Variants in MAGI2 observed in about 807,000 individuals in gnomAD.
MAGI2 encodes membrane associated guanylate kinase, WW and PDZ domain containing 2.
Under a neutral mutation model 133.3 loss-of-function variants are expected in MAGI2, and 35 were observed. The observed-to-expected ratio is 0.26, with a 90% confidence interval of 0.20 to 0.35. The LOEUF is 0.35. Among genes scored for constraint, MAGI2 ranks in the 10% least tolerant of loss-of-function variants. The pLI is 1.00. For synonymous variants in MAGI2, 729 were observed against 710.6 expected (o/e 1.03, Z -0.41); for missense variants, 1,636 against 1,863.4 (o/e 0.88, Z 2.25).
Position 78,372,572 on chromosome 7 carries a change from A to C in MAGI2, c.1046-3359T>G, listed in dbSNP as rs577275409. Among the ~76,000 whole-genome samples the C allele has an allele frequency of 6.6e-5, 10 of 152,226 alleles. No homozygotes were observed. In the South Asian group the frequency reaches 2.1e-3, roughly 32 times the overall value. On this transcript the variant is annotated intron_variant, in intron 6 of 21. Transcript: ENST00000354212. ...CATGATGCAACAGGAAAAAATAAAC[A>C]CTTGAGATCAGCAAGGTTAATGTTG...
At chr7:78,800,503 A>G (rs1167576664) in intron 2 of MAGI2, among the ~76,000 whole-genome samples, 2 of 152,174 alleles carry the variant, frequency 1.3e-5, no homozygotes, top group Non-Finnish European at 2.9e-5. Context: ...CTAAGAAGAA[A>G]AGGAGAACAT....
At chr7:78,970,007 C>T (rs1261528598) in intron 2 of MAGI2, among the ~76,000 whole-genome samples, 14 of 152,050 alleles carry the variant, frequency 9.2e-5, no homozygotes, top group Admixed American at 9.2e-4. Flanking sequence ...CACCACAGCT[C>T]AGACCCATGC....
At chr7:78,099,440 G>A (rs6951935) in intron 20 of MAGI2, among the ~76,000 whole-genome samples, 53,988 of 152,028 alleles carry the variant, frequency 0.36, 11,124 homozygotes, top group African/African-American at 0.58. Flanking sequence ...AGTTTTGAGT[G>A]TGCATTGAAT....
At chr7:78,776,675 T>C (rs1193324974) in intron 2 of MAGI2, among the ~76,000 whole-genome samples, 1 of 152,236 alleles carries the variant, frequency 6.6e-6, no homozygotes, top group African/African-American at 2.4e-5. Context: ...GTTAAGTGCA[T>C]GTTTAGTGTA....
chr7:78,112,788 T>A (rs866960069), intron 20 of MAGI2, among the ~76,000 whole-genome samples: 44 of 152,222 alleles, frequency 2.9e-4, no homozygotes, highest in African/African-American at 1.0e-3. Context: ...GCAGAGCTTA[T>A]GCTCTGGAAA....
chr7:78,773,461 C>G (rs926074501), intron 2 of MAGI2, among the ~76,000 whole-genome samples: 1 of 152,190 alleles, frequency 6.6e-6, no homozygotes, highest in Non-Finnish European at 1.5e-5. Context: ...TTTACTAATG[C>G]ACTCATTTAT....
At chr7:79,049,928 T>C (rs116316212) in intron 1 of MAGI2, among the ~76,000 whole-genome samples, 4,195 of 152,278 alleles carry the variant, frequency 0.028, 198 homozygotes, top group African/African-American at 0.096. Flanking sequence ...TTTTGTTTTA[T>C]ATGTCTGATA....
chr7:78,209,404 GGCGT>G (rs1412011533), intron 10 of MAGI2, among the ~76,000 whole-genome samples: 1 of 149,832 alleles, frequency 6.7e-6, no homozygotes. Context: ...TGGGACTACA[GGCGT>G]GCACCATCAC....
intron 2 of MAGI2, among the ~76,000 whole-genome samples, chr7:78,954,882 T>C (rs1314673695): frequency 3.3e-5 from 5 of 152,062 alleles, no homozygotes; most frequent in African/African-American, 1.2e-4. Context: ...TGAATCAATA[T>C]AAAAAAAGAG....
chr7:78,830,348 A>C (rs959340635), intron 2 of MAGI2, among the ~76,000 whole-genome samples: 1 of 152,186 alleles, frequency 6.6e-6, no homozygotes, highest in Non-Finnish European at 1.5e-5. Flanking sequence ...TTTATACAAC[A>C]AACAGCTTTT....
intron 9 of MAGI2, among the ~76,000 whole-genome samples, chr7:78,311,303 T>A (rs532203716): frequency 2.8e-4 from 43 of 152,278 alleles, no homozygotes; most frequent in African/African-American, 1.0e-3. Flanking sequence ...AGAGGAACAG[T>A]TGAGCAATGC....
chr7:78,109,242 T>TGCAGTGAGCCG (rs1819062182), intron 20 of MAGI2, among the ~76,000 whole-genome samples: 1 of 121,778 alleles, frequency 8.2e-6, no homozygotes, highest in South Asian at 2.7e-4. Flanking sequence ...AGGCGGAGCT[T>TGCAGTGAGCCG]GCAGTGAGCC....
chr7:78,898,527 A>C (rs1307386467), intron 2 of MAGI2, among the ~76,000 whole-genome samples: 4 of 152,216 alleles, frequency 2.6e-5, no homozygotes, highest in Non-Finnish European at 5.9e-5. Flanking sequence ...GCTGGAGGCC[A>C]TTCTCCTTAG....
At chr7:78,882,556 A>G (rs547430699) in intron 2 of MAGI2, among the ~76,000 whole-genome samples, 4 of 152,204 alleles carry the variant, frequency 2.6e-5, no homozygotes, top group South Asian at 4.2e-4. Flanking sequence ...CAAAGACACA[A>G]TGAAAAAAGA....
intron 1 of MAGI2, among the ~76,000 whole-genome samples, chr7:79,250,523 A>G (rs547664313): frequency 6.6e-5 from 10 of 152,178 alleles, no homozygotes; most frequent in Non-Finnish European, 1.0e-4. Flanking sequence ...ATGGAATAAA[A>G]TATCTGGAAA....
intron 1 of MAGI2, among the ~76,000 whole-genome samples, chr7:79,140,419 C>T (rs370103926): frequency 6.6e-6 from 1 of 152,078 alleles, no homozygotes; most frequent in Admixed American, 6.6e-5. Context: ...TATTAATAGG[C>T]CTCAGAAATG....
intron 1 of MAGI2, among the ~76,000 whole-genome samples, chr7:79,103,858 C>G (rs1290890528): frequency 4.2e-5 from 4 of 95,578 alleles, no homozygotes; most frequent in Non-Finnish European, 3.2e-5. Flanking sequence ...CGCCACCACA[C>G]CTGGCTAATT....
At chr7:78,225,785 C>T (rs905628751) in intron 10 of MAGI2, among the ~76,000 whole-genome samples, 2 of 152,194 alleles carry the variant, frequency 1.3e-5, no homozygotes, top group Middle Eastern at 3.2e-3. Context: ...GGCTTCTTTT[C>T]GCCCTAGTCC....
At chr7:78,581,949 G>A (rs960426375) in intron 3 of MAGI2, among the ~76,000 whole-genome samples, 7 of 152,126 alleles carry the variant, frequency 4.6e-5, no homozygotes, top group African/African-American at 7.2e-5. Context: ...CCTTTCCTCC[G>A]GGTATATGGA....
Sources: gnomAD v4.1 joint callset for allele counts (sites outside exome capture counted in the v4.1 genomes callset) on GRCh38, gnomAD v4.1.1 for gene constraint, MANE v1.5 for transcripts, NCBI Gene and HGNC (gene_info 2026-07-23, HGNC 2026-07-21) for gene names.